CLEC16A: variants seen among roughly 807,000 people sequenced by gnomAD.
The protein encoded by CLEC16A is C-type lectin domain containing 16A, also known as protein CLEC16A.
In CLEC16A, 51 loss-of-function variants were observed where a neutral mutation model predicts 109.5. The ratio of observed to expected loss-of-function variants is 0.47; its 90% confidence interval spans 0.37 to 0.59. The LOEUF (loss-of-function observed/expected upper bound fraction) is 0.59, where lower values mean the gene tolerates loss of function less well. CLEC16A is among the 20% of genes least tolerant of loss of function. The pLI is 0.00. For missense variants in CLEC16A, 1,339 were observed against 1,394.0 expected (o/e 0.96, Z 0.63); for synonymous variants, 673 against 564.2 (o/e 1.19, Z -2.73).
chr16:11,092,844 CAATT>C (rs748070082), intron 19 of CLEC16A, among the ~76,000 whole-genome samples: 8 of 152,250 alleles, frequency 5.3e-5, no homozygotes, highest in South Asian at 2.1e-4. Context: ...GTGGTCGTGA[CAATT>C]AAATATACTA....
At chr16:11,160,734 G>T (rs937064146) in intron 22 of CLEC16A, among the ~76,000 whole-genome samples, 2 of 152,246 alleles carry the variant, frequency 1.3e-5, no homozygotes, top group African/African-American at 2.4e-5. Context: ...TTTCCCTCTC[G>T]GGTAAAAGAA....
intron 22 of CLEC16A, among the ~76,000 whole-genome samples, chr16:11,140,280 T>G (rs1006553122): frequency 6.6e-6 from 1 of 152,170 alleles, no homozygotes; most frequent in Non-Finnish European, 1.5e-5. Flanking sequence ...GATGTCCTGT[T>G]GAACCTCACG....
At chr16:11,106,636 C>T (rs918533092) in intron 19 of CLEC16A, among the ~76,000 whole-genome samples, 8 of 152,072 alleles carry the variant, frequency 5.3e-5, no homozygotes, top group Non-Finnish European at 1.0e-4. Flanking sequence ...AGTTGCATGC[C>T]ACCACACCTG....
chr16:11,002,980 A>G, intron 10 of CLEC16A, 94 bp from the exon 11 acceptor site: 2 of 917,624 alleles, frequency 2.2e-6, no homozygotes, highest in Non-Finnish European at 3.2e-6. Context: ...TTTGGAGATG[A>G]GTTTCTTAGG....
At chr16:11,109,359 G>GCCC (rs1003325675) in intron 19 of CLEC16A, among the ~76,000 whole-genome samples, 1 of 152,012 alleles carries the variant, frequency 6.6e-6, no homozygotes, top group African/African-American at 2.4e-5. Flanking sequence ...TTGCTATGTT[G>GCCC]CCCAGTCTGG....
intron 4 of CLEC16A, among the ~76,000 whole-genome samples, chr16:10,970,722 A>G (rs550422800): frequency 2.0e-4 from 30 of 152,328 alleles, no homozygotes; most frequent in African/African-American, 7.0e-4. Context: ...AGTGATTACT[A>G]CTACTACCAC....
chr16:11,170,276 G>GC (rs1177769610), intron 23 of CLEC16A, among the ~76,000 whole-genome samples: 1 of 152,212 alleles, frequency 6.6e-6, no homozygotes, highest in Non-Finnish European at 1.5e-5. Flanking sequence ...ACCCCAGCCA[G>GC]CAGAAGGCTG....
At chr16:11,140,513 G>T (rs1453662794) in intron 22 of CLEC16A, among the ~76,000 whole-genome samples, 1 of 152,212 alleles carries the variant, frequency 6.6e-6, no homozygotes, top group African/African-American at 2.4e-5. Context: ...TCAAAGCAGT[G>T]CTTGGCCTGG....
rs2042868286 is a variant in CLEC16A, at chr16:10,973,045, G to T, written c.712G>T (p.Val238Leu). Reference sequence around the variant, plus strand: ...CCATGTGATCGAACTCGATGACTGCGTGCAGACTGATGAGGAGTAAGTGAC... The same window carrying T: ...CCATGTGATCGAACTCGATGACTGCTTGCAGACTGATGAGGAGTAAGTGAC... The part of the protein sequence containing the change: ...GSHVIELDDC[V>L]QTDEEHRNRG... Residue 238 changes from valine to leucine, a missense_variant, in exon 7 of 24, where the codon GTG (valine) becomes TTG (leucine). Physicochemically the swap from Val to Leu is conservative, Grantham distance 32. Coordinates refer to ENST00000409790, the MANE Select transcript of CLEC16A (RefSeq NM_015226.3). 1 of 1,606,638 alleles carries T rather than the reference G, an allele frequency of 6.2e-7. No homozygotes were observed. Among genetic ancestry groups the T allele is most frequent in the African/African-American group, 1.3e-5 (1 of 74,626 alleles).
intron 1 of CLEC16A, among the ~76,000 whole-genome samples, chr16:10,952,523 A>G (rs2041787783): frequency 1.3e-5 from 2 of 152,252 alleles, no homozygotes; most frequent in Admixed American, 1.3e-4. Flanking sequence ...AAAAGTTATT[A>G]AAATGTTTAT....
chr16:11,100,843 G>A (rs1230363719), intron 19 of CLEC16A, among the ~76,000 whole-genome samples: 1 of 152,222 alleles, frequency 6.6e-6, no homozygotes, highest in East Asian at 1.9e-4. Context: ...AGGGTTTGCA[G>A]ATGAACTTTT....
chr16:11,028,635 T>A (rs1373419142), intron 13 of CLEC16A, among the ~76,000 whole-genome samples: 1 of 152,212 alleles, frequency 6.6e-6, no homozygotes, highest in Non-Finnish European at 1.5e-5. Context: ...CTTATTTTTT[T>A]AAACTAACGT....
chr16:10,971,743 C>T (rs1166357702), intron 5 of CLEC16A, among the ~76,000 whole-genome samples: 1 of 152,174 alleles, frequency 6.6e-6, no homozygotes, highest in Non-Finnish European at 1.5e-5. Flanking sequence ...AACATTGCCC[C>T]AGGGAAAAAG....
chr16:11,121,980 C>T (rs1449114800), intron 20 of CLEC16A, among the ~76,000 whole-genome samples: 4 of 150,946 alleles, frequency 2.6e-5, no homozygotes, highest in African/African-American at 9.8e-5. Flanking sequence ...GGGTTGAAAG[C>T]AGCCTCCCAG....
At chr16:10,949,819 G>C (rs2041630326) in intron 1 of CLEC16A, among the ~76,000 whole-genome samples, 1 of 152,188 alleles carries the variant, frequency 6.6e-6, no homozygotes, top group Non-Finnish European at 1.5e-5. Flanking sequence ...GCCGTCCCCT[G>C]GTGAGTTACG....
intron 15 of CLEC16A, among the ~76,000 whole-genome samples, chr16:11,042,931 A>G (rs9673612): frequency 0.2 from 30,014 of 149,988 alleles, 4,114 homozygotes; most frequent in African/African-American, 0.39. Flanking sequence ...GTATATTTAC[A>G]TATACAATAT....
Position 11,142,216 on chromosome 16 carries a change from C to T in CLEC16A, c.2641+16070C>T, listed in dbSNP as rs574922817. Among the ~76,000 whole-genome samples, 108 of 152,314 alleles carry T rather than the reference C, an allele frequency of 7.1e-4. No homozygotes were observed. In the Middle Eastern group the frequency reaches 0.01, roughly 14 times the overall value. The stretch of plus-strand genomic sequence containing the variant: ...TTGCTGAAACCCACTGCTAGGCCAT[C>T]GGACCCCCACAGTCTGCTCAGTCCA... On this transcript the variant is annotated intron_variant, in intron 22 of 23. Coordinates refer to ENST00000409790, the MANE Select transcript of CLEC16A (RefSeq NM_015226.3).
chr16:11,095,643 C>G (rs2152973876), intron 19 of CLEC16A, among the ~76,000 whole-genome samples: 1 of 152,210 alleles, frequency 6.6e-6, no homozygotes, highest in Middle Eastern at 3.4e-3. Flanking sequence ...AAAACCCCAT[C>G]TCTACTAAAA....
chr16:11,103,457 G>T (rs1384542978), intron 19 of CLEC16A, among the ~76,000 whole-genome samples: 2 of 152,280 alleles, frequency 1.3e-5, no homozygotes, highest in Non-Finnish European at 2.9e-5. Flanking sequence ...GCGCATGCCT[G>T]TTGTCCTAGC....
Sources: gnomAD v4.1 joint callset for allele counts (sites outside exome capture counted in the v4.1 genomes callset) on GRCh38, gnomAD v4.1.1 for gene constraint, MANE v1.5 for transcripts, NCBI Gene and HGNC (gene_info 2026-07-23, HGNC 2026-07-21) for gene names.